The following COL4A6 variants were observed in gnomAD, a reference collection of about 807,000 sequenced individuals.
COL4A6 encodes collagen alpha-6(IV) chain.
In COL4A6, 59 loss-of-function variants were observed where a neutral mutation model predicts 126.7. The ratio of observed to expected loss-of-function variants is 0.47; its 90% CI spans 0.38 to 0.58. COL4A6 has a LOEUF of 0.58. Among genes scored for constraint, COL4A6 ranks in the 20% least tolerant of loss-of-function variants. The pLI, the probability that COL4A6 is intolerant of heterozygous loss-of-function variation, is 0.00. For synonymous variants in COL4A6, 547 were observed against 496.6 expected (o/e 1.10, Z -1.35); for missense variants, 1,285 against 1,337.3 (o/e 0.96, Z 0.61).
At chrX:108,318,787 C>T (rs1017802974) in intron 2 of COL4A6, among the ~76,000 whole-genome samples, 8 of 112,178 alleles carry the variant, frequency 7.1e-5, no homozygotes, top group African/African-American at 1.3e-4. Flanking sequence ...ATCGTGAAAA[C>T]GGCCATACTG....
At chrX:108,183,773 C>T (rs1466155085) in intron 23 of COL4A6, 3 of 926,238 alleles carry the variant, frequency 3.2e-6, no homozygotes, top group Non-Finnish European at 4.0e-6. Context: ...CAGCAGTCAC[C>T]TAGAGCAATC....
At chrX:108,308,488 T>A (rs2038681924) in intron 3 of COL4A6, among the ~76,000 whole-genome samples, 1 of 112,183 alleles carries the variant, frequency 8.9e-6, no homozygotes, top group Admixed American at 9.5e-5. Context: ...TCATTTTTAT[T>A]TGCTGTATCT....
At chrX:108,185,446 A>G (rs1031956322) in intron 23 of COL4A6, among the ~76,000 whole-genome samples, 2 of 110,842 alleles carry the variant, frequency 1.8e-5, no homozygotes, top group African/African-American at 6.6e-5. Flanking sequence ...TTGTGAAATG[A>G]TATATTGACT....
intron 3 of COL4A6, among the ~76,000 whole-genome samples, chrX:108,237,386 G>C (rs1049583368): frequency 1.3e-4 from 15 of 111,467 alleles, no homozygotes; most frequent in African/African-American, 4.9e-4. Context: ...ACCCCTACCT[G>C]CCCTAGACTT....
chrX:108,340,756 C>G (rs1603120223), intron 2 of COL4A6, among the ~76,000 whole-genome samples: 1 of 96,841 alleles, frequency 1.0e-5, no homozygotes, highest in East Asian at 3.4e-4. Context: ...TAAAGACATA[C>G]ATAGGAATGA....
At chrX:108,351,646 C>T (rs748368404) in intron 2 of COL4A6, among the ~76,000 whole-genome samples, 39 of 110,771 alleles carry the variant, frequency 3.5e-4, no homozygotes, top group Non-Finnish European at 6.2e-4. Flanking sequence ...AAGACTGTAC[C>T]CTGATTTTAA....
At chrX:108,332,571 T>C (rs1280933768) in intron 2 of COL4A6, among the ~76,000 whole-genome samples, 1 of 112,197 alleles carries the variant, frequency 8.9e-6, no homozygotes, top group African/African-American at 3.2e-5. Context: ...TATGTCATTG[T>C]GGTTTTAATT....
intron 3 of COL4A6, among the ~76,000 whole-genome samples, chrX:108,283,913 T>A (rs2037931009): frequency 9.0e-6 from 1 of 111,507 alleles, no homozygotes; most frequent in African/African-American, 3.3e-5. Context: ...GATACTAATT[T>A]GCTGTTTGAA....
intron 3 of COL4A6, chrX:108,267,803 T>A (rs1348481155): frequency 8.9e-6 from 1 of 112,917 alleles, no homozygotes; most frequent in Non-Finnish European, 1.9e-5. Flanking sequence ...TCCTAATGCA[T>A]CACATTTGAT....
At chrX:108,383,449 T>A in intron 2 of COL4A6, 1 of 489,974 alleles carries the variant, frequency 2.0e-6, no homozygotes, top group South Asian at 2.7e-5. Context: ...CTGTGCCTCC[T>A]ACAATGAGTT....
At chrX:108,186,531 C>T (rs2034866245) in intron 23 of COL4A6, among the ~76,000 whole-genome samples, 1 of 111,965 alleles carries the variant, frequency 8.9e-6, no homozygotes, top group African/African-American at 3.2e-5. Flanking sequence ...ATTAGCATAG[C>T]ACCTTCATAA....
At chrX:108,181,933 T>C (rs2034698772) in intron 23 of COL4A6, among the ~76,000 whole-genome samples, 1 of 112,479 alleles carries the variant, frequency 8.9e-6, no homozygotes, top group East Asian at 2.8e-4. Context: ...ATCTATAGCT[T>C]TTGCCTGTAC....
intron 3 of COL4A6, among the ~76,000 whole-genome samples, chrX:108,270,649 T>C (rs192714924): frequency 6.1e-4 from 69 of 112,504 alleles, no homozygotes; most frequent in African/African-American, 2.1e-3. Flanking sequence ...AATTGATACA[T>C]TAACTCATAG....
chrX:108,163,727 G>C (rs1185208626), intron 40 of COL4A6: 1 of 112,512 alleles, frequency 8.9e-6, no homozygotes, highest in African/African-American at 3.2e-5. Context: ...GCAGAGGGTG[G>C]TATGGGGTGG....
At chrX:108,245,634 C>T (rs921404985) in intron 3 of COL4A6, among the ~76,000 whole-genome samples, 17 of 111,359 alleles carry the variant, frequency 1.5e-4, no homozygotes, top group African/African-American at 5.5e-4. Flanking sequence ...GGTACAGACT[C>T]CATATTTCGA....
At chrX:108,221,198 T>A in intron 4 of COL4A6, 42 bp downstream of exon 4, 2 of 1,205,548 alleles carry the variant, frequency 1.7e-6, no homozygotes, top group Non-Finnish European at 2.2e-6. Flanking sequence ...TTTACATTTG[T>A]GGCCCATGCA....
chrX:108,371,592 A>C (rs1031414424), intron 2 of COL4A6, among the ~76,000 whole-genome samples: 2 of 108,207 alleles, frequency 1.8e-5, no homozygotes, highest in African/African-American at 3.4e-5. Context: ...AAAAAAAAAA[A>C]AAAACTCTTT....
At chrX:108,293,090 T>C (rs2038217302) in intron 3 of COL4A6, among the ~76,000 whole-genome samples, 1 of 108,610 alleles carries the variant, frequency 9.2e-6, no homozygotes, top group Admixed American at 9.9e-5. Context: ...CATTTTATCC[T>C]TGTGCCCAAG....
At chrX:108,368,612 T>A (rs2040256016) in intron 2 of COL4A6, among the ~76,000 whole-genome samples, 3 of 112,321 alleles carry the variant, frequency 2.7e-5, no homozygotes, top group Non-Finnish European at 5.6e-5. Context: ...TTTTACTTTA[T>A]ATAATTCTAA....
Sources: allele counts gnomAD v4.1 joint callset (sites outside exome capture counted in the v4.1 genomes callset), GRCh38; gene constraint gnomAD v4.1.1; transcripts MANE v1.5; gene names NCBI Gene and HGNC (gene_info 2026-07-23, HGNC 2026-07-21).